Variants in TMEM232 observed in about 807,000 individuals in gnomAD.
TMEM232 encodes the protein transmembrane protein 232.
A neutral mutation model predicts 78.8 loss-of-function variants in TMEM232; 80 were observed. That is an observed-to-expected ratio of 1.01 (90% confidence interval 0.85 to 1.22). The LOEUF (loss-of-function observed/expected upper bound fraction) is 1.22. Among genes scored for constraint, TMEM232 ranks in the 50% most tolerant of loss-of-function variants. The pLI, the probability that TMEM232 is intolerant of heterozygous loss-of-function variation, is 0.00. For missense variants in TMEM232, 881 were observed against 742.2 expected (o/e 1.19, Z -2.17); for synonymous variants, 297 against 254.3 (o/e 1.17, Z -1.60).
At chr5:110,571,611 G>T (rs568949861) in intron 10 of TMEM232, among the ~76,000 whole-genome samples, 21 of 152,026 alleles carry the variant, frequency 1.4e-4, no homozygotes, top group Non-Finnish European at 1.3e-4. Context: ...CTTGAGGCAG[G>T]CCAGGAGATC....
intron 3 of TMEM232, 46 bp downstream of exon 3, chr5:110,642,214 T>C (rs1210658065): frequency 8.2e-7 from 1 of 1,219,418 alleles, no homozygotes; most frequent in East Asian, 2.8e-5. Flanking sequence ...ATGTACCAAC[T>C]AGAAAGGAAG....
intron 12 of TMEM232, among the ~76,000 whole-genome samples, chr5:110,458,039 C>T (rs1761084634): frequency 6.6e-6 from 1 of 151,862 alleles, no homozygotes. Flanking sequence ...CATTTAAGTG[C>T]TTTACTTTTG....
chr5:110,620,025 A>G (rs1783432623), intron 7 of TMEM232, among the ~76,000 whole-genome samples: 1 of 152,168 alleles, frequency 6.6e-6, no homozygotes, highest in Non-Finnish European at 1.5e-5. Flanking sequence ...GACTACATAA[A>G]CTATTCAATT....
At chr5:110,563,541 AG>A (rs1485407718) in intron 11 of TMEM232, among the ~76,000 whole-genome samples, 1 of 151,872 alleles carries the variant, frequency 6.6e-6, no homozygotes, top group Non-Finnish European at 1.5e-5. Flanking sequence ...GAAAAGAATA[AG>A]GTTGGGTGAG....
intron 11 of TMEM232, among the ~76,000 whole-genome samples, chr5:110,553,092 T>C (rs1339178413): frequency 6.6e-6 from 1 of 152,220 alleles, no homozygotes; most frequent in African/African-American, 2.4e-5. Flanking sequence ...TCCATTGGTC[T>C]ATGTGTCTGT....
At chr5:110,732,365 T>C (rs944758680) in intron 2 of TMEM232, among the ~76,000 whole-genome samples, 3 of 152,152 alleles carry the variant, frequency 2.0e-5, no homozygotes, top group African/African-American at 7.2e-5. Context: ...TCCTACTCTA[T>C]TGGTACCAAC....
upstream of TMEM232, among the ~76,000 whole-genome samples, chr5:110,730,892 AC>A (rs933960800): frequency 6.6e-6 from 1 of 152,124 alleles, no homozygotes; most frequent in Non-Finnish European, 1.5e-5. Context: ...CGCCTTCCCA[AC>A]AGTACCCTAA....
At chr5:110,578,138 G>T (rs894667017) in intron 10 of TMEM232, among the ~76,000 whole-genome samples, 11 of 151,922 alleles carry the variant, frequency 7.2e-5, no homozygotes, top group African/African-American at 2.4e-4. Context: ...AAAAGTAGTT[G>T]ATTCTCTTTT....
rs193136462 is a variant in TMEM232, at chr5:110,436,175, T to C, written c.1704-11259A>G. 4.7e-3 allele frequency among the ~76,000 whole-genome samples: 709 copies of C among 152,100 alleles called. 2 individuals are homozygous for C. The highest frequency in any genetic ancestry group is 0.01 in the Middle Eastern group (3 of 294). On this transcript the variant is annotated intron_variant, in intron 12 of 13. Coordinates refer to ENST00000455884, the MANE Select transcript of TMEM232 (RefSeq NM_001039763.4). ...TTAACTGGAGTGAAGGGATATCTCG[T>C]TGTAGTTTTGATTTGCATTTCTCGG...
At chr5:110,398,280 A>T (rs779552537) in intron 2 of TMEM232, among the ~76,000 whole-genome samples, 1 of 152,166 alleles carries the variant, frequency 6.6e-6, no homozygotes, top group Non-Finnish European at 1.5e-5. Context: ...ATTGTCACTA[A>T]TGTGTATAAC....
In TMEM232 at chr5:110,719,816, A is replaced by G. The variant is rs560310048; in HGVS notation, c.-13+6811T>C. ...TCTTTTTCTCTACTCTCTCTGTTAA[A>G]CTGTGTGCCTCATTCTGTGTTACAT... On this transcript the variant is annotated intron_variant, in intron 1 of 13. Coordinates refer to ENST00000455884, the MANE Select transcript of TMEM232 (RefSeq NM_001039763.4). Among the ~76,000 whole-genome samples the G allele has an allele frequency of 7.1e-4, 108 of 152,126 alleles. 1 individual carries two copies. Among genetic ancestry groups the G allele is most frequent in the African/African-American group, 2.5e-3 (105 of 41,500 alleles).
intron 1 of TMEM232, among the ~76,000 whole-genome samples, chr5:110,669,741 TG>T (rs1374248480): frequency 6.6e-6 from 1 of 152,164 alleles, no homozygotes; most frequent in Non-Finnish European, 1.5e-5. Flanking sequence ...AATAAAGTAC[TG>T]GCAAACTGAA....
intron 13 of TMEM232, among the ~76,000 whole-genome samples, chr5:110,424,171 A>G (rs958384928): frequency 2.6e-5 from 4 of 152,132 alleles, no homozygotes; most frequent in African/African-American, 9.6e-5. Context: ...TTAATTGTTA[A>G]TTTAATTGCA....
At chr5:110,607,277 G>A (rs1256404990) in intron 8 of TMEM232, among the ~76,000 whole-genome samples, 2 of 151,676 alleles carry the variant, frequency 1.3e-5, no homozygotes, top group African/African-American at 2.4e-5. Context: ...ATAGGTCAGA[G>A]GGACTTGTCC....
At chr5:110,674,332 CAT>C (rs1370826780) in intron 1 of TMEM232, among the ~76,000 whole-genome samples, 2 of 151,988 alleles carry the variant, frequency 1.3e-5, no homozygotes, top group African/African-American at 2.4e-5. Flanking sequence ...TACTGTGAAT[CAT>C]ATAAAATTAT....
chr5:110,601,541 C>A (rs1397471829), intron 10 of TMEM232, among the ~76,000 whole-genome samples: 1 of 152,102 alleles, frequency 6.6e-6, no homozygotes, highest in Non-Finnish European at 1.5e-5. Context: ...TACTCCCATT[C>A]ACAACTGCTA....
At chr5:110,566,745 G>C (rs960929966) in intron 11 of TMEM232, among the ~76,000 whole-genome samples, 2 of 151,814 alleles carry the variant, frequency 1.3e-5, no homozygotes, top group Admixed American at 6.6e-5. Flanking sequence ...TCTTCTTACT[G>C]TTCCAACTTC....
intron 1 of TMEM232, among the ~76,000 whole-genome samples, chr5:110,693,910 T>C (rs1462195082): frequency 6.6e-6 from 1 of 152,088 alleles, no homozygotes; most frequent in Non-Finnish European, 1.5e-5. Flanking sequence ...ACTTTCCCAG[T>C]CTAGCAAGGC....
chr5:110,437,578 T>C (rs1758576389), intron 12 of TMEM232, among the ~76,000 whole-genome samples: 1 of 152,056 alleles, frequency 6.6e-6, no homozygotes, highest in Non-Finnish European at 1.5e-5. Flanking sequence ...GTGCTAGTTT[T>C]ATTATATTAT....
Sources: gnomAD v4.1 joint callset for allele counts (sites outside exome capture counted in the v4.1 genomes callset) on GRCh38, gnomAD v4.1.1 for gene constraint, MANE v1.5 for transcripts, NCBI Gene and HGNC (gene_info 2026-07-23, HGNC 2026-07-21) for gene names.